The following HADHB variants were observed in gnomAD, a reference collection of about 807,000 sequenced individuals.
The protein encoded by HADHB is hydroxyacyl-CoA dehydrogenase trifunctional multienzyme complex subunit beta.
Under a neutral mutation model 61.9 loss-of-function variants are expected in HADHB, and 50 were observed. The observed-to-expected ratio is 0.81, with a 90% CI of 0.64 to 1.02. The LOEUF (loss-of-function observed/expected upper bound fraction) is 1.02, where lower values mean the gene tolerates loss of function less well. Among genes scored for constraint, HADHB ranks in the 50% least tolerant of loss-of-function variants. The pLI, the probability that HADHB is intolerant of heterozygous loss-of-function variation, is 0.00. For synonymous variants in HADHB, 191 were observed against 201.6 expected (o/e 0.95, Z 0.45); for missense variants, 504 against 586.5 (o/e 0.86, Z 1.45).
At chr2:26,256,419 G>A (rs936318167) in intron 3 of HADHB, among the ~76,000 whole-genome samples, 2 of 152,116 alleles carry the variant, frequency 1.3e-5, no homozygotes, top group African/African-American at 4.8e-5. Flanking sequence ...GAGGGGTACA[G>A]AATTTATGGA....
intron 5 of HADHB, 90 bp from the exon 6 acceptor site, chr2:26,273,561 C>A: frequency 1.3e-6 from 1 of 778,942 alleles, no homozygotes. Flanking sequence ...CAAGGCTAAC[C>A]TTTTTCAAGG....
At chr2:26,280,179 GCCT>G in intron 10 of HADHB, 64 bp downstream of exon 10, 4 of 1,337,508 alleles carry the variant, frequency 3.0e-6, no homozygotes, top group Non-Finnish European at 3.2e-6. Context: ...CTGTAGAAAA[GCCT>G]AATATAACTT....
chr2:26,263,630 CAG>C (rs1314179587), intron 4 of HADHB, 151 bp downstream of exon 4: 2 of 692,282 alleles, frequency 2.9e-6, no homozygotes, highest in Non-Finnish European at 5.3e-6. Context: ...TAAGTCAAGA[CAG>C]TGGTGAAATA....
Position 26,277,231 on chromosome 2 carries a change from T to A in HADHB, c.442+71T>A. 2 of 681,530 alleles carry A rather than the reference T, an allele frequency of 2.9e-6. 1 individual carries two copies. Among genetic ancestry groups the A allele is most frequent in the South Asian group, 3.8e-5 (2 of 52,884 alleles). 42.2% of individuals were successfully genotyped at this position (681,530 alleles called of 1,614,324 possible). A position where few individuals can be genotyped will look rare whatever the true frequency, so the allele number is the denominator to read the frequency against. On this transcript the variant is annotated intron_variant, in intron 7 of 15. Coordinates refer to ENST00000317799, the MANE Select transcript of HADHB (RefSeq NM_000183.3). Reference sequence around the variant, plus strand: ...TGTCTTTTACTTGATTATAAAAATGTACTTTTTTTTTTTTTTTTTTTTTTA... The same window carrying A: ...TGTCTTTTACTTGATTATAAAAATGAACTTTTTTTTTTTTTTTTTTTTTTA...
At chr2:26,282,336 C>T (rs1672828093) in intron 10 of HADHB, among the ~76,000 whole-genome samples, 1 of 149,460 alleles carries the variant, frequency 6.7e-6, no homozygotes, top group African/African-American at 2.5e-5. Context: ...CTCACTGCAA[C>T]CTCCGCCTCC....
intron 6 of HADHB, among the ~76,000 whole-genome samples, chr2:26,275,005 C>T (rs183120256): frequency 7.7e-4 from 117 of 152,260 alleles, no homozygotes; most frequent in African/African-American, 2.7e-3. Flanking sequence ...ATTTGCAGAT[C>T]TCAGCTATTG....
chr2:26,252,452 C>T (rs1553317951), intron 1 of HADHB, among the ~76,000 whole-genome samples: 3 of 152,188 alleles, frequency 2.0e-5, no homozygotes, highest in Non-Finnish European at 1.5e-5. Context: ...TCTTCCACCC[C>T]TGACCCCTAG....
intron 12 of HADHB, 75 bp downstream of exon 12, chr2:26,283,126 A>C: frequency 1.1e-6 from 1 of 915,338 alleles, no homozygotes; most frequent in South Asian, 1.3e-5. Context: ...CTGGTTAATA[A>C]ATGATTAACA....
At chr2:26,260,349 T>C (rs944699423) in intron 3 of HADHB, among the ~76,000 whole-genome samples, 51 of 152,108 alleles carry the variant, frequency 3.4e-4, no homozygotes, top group African/African-American at 9.9e-4. Flanking sequence ...CCCAAAGCGG[T>C]GAGATTACAG....
In HADHB at chr2:26,276,159, C is replaced by T. The variant is rs146313299; in HGVS notation, c.355-914C>T. On this transcript the variant is annotated intron_variant, in intron 6 of 15. Transcript: ENST00000317799. The stretch of plus-strand genomic sequence containing the variant: ...TGGTTTTTGACAGCATAATTTCCCC[C>T]AATAAATAGTATAATAAAATTATAG... Among the ~76,000 whole-genome samples, 991 of 152,236 alleles carry T rather than the reference C, an allele frequency of 6.5e-3. 11 individuals carry two copies. Among genetic ancestry groups the T allele is most frequent in the Middle Eastern group, 0.01 (3 of 294 alleles).
chr2:26,282,924 G>A lies in HADHB; in HGVS notation c.1013G>A (p.Arg338Lys), dbSNP rs1327962825. Residue 338 changes from arginine to lysine, a missense_variant and splice_region_variant, in exon 11 of 16, where the codon AGG becomes AAG. Transcript: ENST00000317799. ...AMGYKPKAYL[R>K]DFMYVSQDPK... ...GGTTATAAGCCGAAGGCATATTTGA[G>A]GTAAAGTAAATGTTCAAACAAATCA... 1.2e-6 allele frequency: 2 copies of A among 1,609,866 alleles called. No homozygotes were observed. Among genetic ancestry groups the A allele is most frequent in the African/African-American group, 1.3e-5 (1 of 74,940 alleles).
chr2:26,250,024 G>A (rs191380413), intron 1 of HADHB, among the ~76,000 whole-genome samples: 178 of 151,784 alleles, frequency 1.2e-3, no homozygotes, highest in Middle Eastern at 6.8e-3. Flanking sequence ...TTCTTTTTTT[G>A]GAGATGGAGT....
chr2:26,281,313 T>C (rs555520047), intron 10 of HADHB, among the ~76,000 whole-genome samples: 1 of 152,312 alleles, frequency 6.6e-6, no homozygotes, highest in East Asian at 1.9e-4. Flanking sequence ...GTAACTCTCC[T>C]ACCTGGCCAT....
intron 5 of HADHB, 135 bp from the exon 6 acceptor site, chr2:26,273,516 T>G: frequency 1.5e-6 from 1 of 674,900 alleles, no homozygotes. Context: ...GCTTGTCAAA[T>G]TAAAGAAAAG....
chr2:26,288,409 T>G (rs1050050469), intron 15 of HADHB, among the ~76,000 whole-genome samples: 5 of 152,146 alleles, frequency 3.3e-5, no homozygotes, highest in Non-Finnish European at 5.9e-5. Flanking sequence ...TGCTTGTGCC[T>G]TTTCAATGTA....
At chr2:26,255,523 G>GAAA (rs1186132379) in intron 3 of HADHB, among the ~76,000 whole-genome samples, 1 of 149,522 alleles carries the variant, frequency 6.7e-6, no homozygotes, top group East Asian at 2.0e-4. Flanking sequence ...AAGAAAGAAA[G>GAAA]AAAAAATCCT....
At chr2:26,266,705 C>T (rs968694791) in intron 4 of HADHB, among the ~76,000 whole-genome samples, 3 of 150,918 alleles carry the variant, frequency 2.0e-5, no homozygotes, top group Admixed American at 6.6e-5. Context: ...CATGGCGAGA[C>T]CCTATCTCTA....
intron 3 of HADHB, chr2:26,260,679 T>C: frequency 3.6e-6 from 1 of 278,050 alleles, no homozygotes; most frequent in South Asian, 5.7e-5. Flanking sequence ...AAGGGTTTTT[T>C]GGTGTAGTAA....
chr2:26,283,253 G>A (rs555308184), intron 12 of HADHB, among the ~76,000 whole-genome samples: 2 of 152,208 alleles, frequency 1.3e-5, no homozygotes, highest in South Asian at 4.2e-4. Context: ...GGCCGGGCAC[G>A]GTGGCTCACG....
Sources: gnomAD v4.1 joint callset for allele counts (sites outside exome capture counted in the v4.1 genomes callset) on GRCh38, gnomAD v4.1.1 for gene constraint, MANE v1.5 for transcripts, NCBI Gene and HGNC (gene_info 2026-07-23, HGNC 2026-07-21) for gene names.